Variants in SH3RF3 observed in about 807,000 individuals in gnomAD.
SH3RF3 encodes the protein E3 ubiquitin-protein ligase SH3RF3.
In SH3RF3, 29 loss-of-function variants were observed where a neutral mutation model predicts 66.3. That is an observed-to-expected ratio of 0.44 (90% CI 0.33 to 0.60). The LOEUF is 0.60. Ranked by LOEUF, SH3RF3 falls within the 20% of genes least tolerant of loss-of-function variation. The pLI is 0.04. For synonymous variants in SH3RF3, 583 were observed against 532.0 expected, an observed-to-expected ratio of 1.10 and a Z score of -1.32; for missense variants, 1,194 against 1,190.9, an observed-to-expected ratio of 1.00 and a Z score of -0.04.
chr2:109,359,907 C>A (rs1289073828), intron 2 of SH3RF3, among the ~76,000 whole-genome samples: 1 of 152,152 alleles, frequency 6.6e-6, no homozygotes. Context: ...ATGCCAATGG[C>A]AGGTTCTCCA....
intron 8 of SH3RF3, among the ~76,000 whole-genome samples, chr2:109,450,664 T>G (rs1029502705): frequency 1.3e-5 from 2 of 152,210 alleles, no homozygotes. Context: ...TTTTAGTATT[T>G]TTTTTTTACG....
chr2:109,383,949 C>T (rs1200121929), intron 3 of SH3RF3, among the ~76,000 whole-genome samples: 1 of 152,208 alleles, frequency 6.6e-6, no homozygotes, highest in Non-Finnish European at 1.5e-5. Flanking sequence ...TGATGACAGT[C>T]TAGAGGCTTC....
At position 109,421,400 on chromosome 2, in the gene SH3RF3, G is replaced by T. The variant is rs530468628; in HGVS notation, c.1403+1758G>T. 1.7e-4 allele frequency among the ~76,000 whole-genome samples: 26 copies of T among 152,350 alleles called. No homozygotes were observed. In the South Asian group the frequency reaches 4.6e-3, roughly 27 times the overall value. On this transcript the variant is annotated intron_variant, in intron 5 of 9. Transcript: ENST00000309415. ...CTTCCTGGGTGCAGAGGGCTCCCCA[G>T]CTTGAGGCGAGCTCAAGGCTTAGCC...
In SH3RF3 at chr2:109,169,971, G is replaced by C. The variant is rs920603576; in HGVS notation, c.573+39858G>C. 1.6e-4 allele frequency among the ~76,000 whole-genome samples: 24 copies of C among 152,100 alleles called. 1 individual carries two copies. Among genetic ancestry groups the C allele is most frequent in the Admixed American group, 8.5e-4 (13 of 15,268 alleles). ...TTTAAGAGACTTTAATGTTTTACTTGATAACAAAAGAAACATCACATCCTA... is the reference window on the plus strand; with the variant it reads ...TTTAAGAGACTTTAATGTTTTACTTCATAACAAAAGAAACATCACATCCTA... On this transcript the variant is annotated intron_variant, in intron 1 of 9. Transcript: ENST00000309415.
intron 1 of SH3RF3, among the ~76,000 whole-genome samples, chr2:109,331,322 C>T (rs1682280021): frequency 6.6e-6 from 1 of 152,146 alleles, no homozygotes; most frequent in Non-Finnish European, 1.5e-5. Flanking sequence ...CATTTGCAAT[C>T]AATTAACAGC....
chr2:109,449,399 C>T lies in SH3RF3; in HGVS notation c.2058C>T (p.Asn686=), dbSNP rs187185634. 54 of 1,613,012 alleles carry T rather than the reference C, an allele frequency of 3.3e-5. No homozygotes were observed. The highest frequency in any genetic ancestry group is 3.2e-4 in the South Asian group (29 of 90,852). The change falls in exon 8 of 10, where the codon AAC becomes AAT. Residue 686 remains asparagine, a synonymous_variant. Coordinates refer to ENST00000309415, the MANE Select transcript of SH3RF3 (RefSeq NM_001099289.3). ...CCAACGTCAGTGCCGCAAACCTCAACGGGGAGGCTGGAGGGGGGCCCATCG... is the reference window on the plus strand; with the variant it reads ...CCAACGTCAGTGCCGCAAACCTCAATGGGGAGGCTGGAGGGGGGCCCATCG... ...TPPNVSAANL[N]GEAGGGPIGV...
intron 6 of SH3RF3, among the ~76,000 whole-genome samples, chr2:109,433,196 ATG>A (rs1440409178): frequency 6.6e-6 from 1 of 152,222 alleles, no homozygotes; most frequent in Non-Finnish European, 1.5e-5. Context: ...GTGTGTATGC[ATG>A]TGTGTGCAGT....
At position 109,176,025 on chromosome 2, in the gene SH3RF3, A is replaced by G. The variant is rs79227808; in HGVS notation, c.573+45912A>G. On this transcript the variant is annotated intron_variant, in intron 1 of 9. Transcript: ENST00000309415. ...GTCTAATTGATATTCTGCATGTTAT[A>G]TCCTTGAGACTCTGTCTTCACTGGG... is the stretch of plus-strand genomic sequence containing the variant. Among the ~76,000 whole-genome samples, 1,226 of 152,306 alleles carry G rather than the reference A, an allele frequency of 8.0e-3. 12 individuals are homozygous for G. Among genetic ancestry groups the G allele is most frequent in the East Asian group, 0.04 (209 of 5,176 alleles).
chr2:109,245,185 C>T (rs913118580), intron 1 of SH3RF3, among the ~76,000 whole-genome samples: 52 of 152,258 alleles, frequency 3.4e-4, no homozygotes, highest in Non-Finnish European at 6.9e-4. Flanking sequence ...CATGTGGCTT[C>T]TGTGCTCCTG....
chr2:109,146,922 C>T (rs950554987), intron 1 of SH3RF3, among the ~76,000 whole-genome samples: 1 of 128,278 alleles, frequency 7.8e-6, no homozygotes, highest in Non-Finnish European at 1.6e-5. Context: ...CCTATGAAGG[C>T]CTCAGAGTCC....
chr2:109,437,127 C>T lies in SH3RF3; in HGVS notation c.1809C>T (p.Ala603=). 6.2e-7 allele frequency: 1 copy of T among 1,611,884 alleles called. No individual in the cohort carries two copies. Among genetic ancestry groups the T allele is most frequent in the Non-Finnish European group, 8.5e-7 (1 of 1,178,690 alleles). Reference sequence around the variant, plus strand: ...CAGCCCAGCCAACGGCCAGCCAAGCCCGGAGCACCATTTCAACAGGTACCT... The same window carrying T: ...CAGCCCAGCCAACGGCCAGCCAAGCTCGGAGCACCATTTCAACAGGTACCT... ...RHSAQPTASQ[A]RSTISTAAHS... Residue 603 remains alanine, a synonymous_variant, in exon 7 of 10, where the codon GCC becomes GCT. Transcript: ENST00000309415.
chr2:109,302,476 T>G (rs1260244686), intron 1 of SH3RF3, among the ~76,000 whole-genome samples: 1 of 152,224 alleles, frequency 6.6e-6, no homozygotes, highest in Non-Finnish European at 1.5e-5. Context: ...GTGCCTCCTC[T>G]TAGGGCCCCC....
rs529867866 is a variant in SH3RF3, at chr2:109,268,067, T to C, written c.574-79607T>C. 3.3e-3 allele frequency among the ~76,000 whole-genome samples: 507 copies of C among 151,440 alleles called. 2 individuals are homozygous for C. Among genetic ancestry groups the C allele is most frequent in the African/African-American group, 8.5e-3 (353 of 41,328 alleles). ...TGAGGGGGTCTTCCAGACTGTCCCC[T>C]AATCCCACCTGGAGCCCAGAGAAGG... On this transcript the variant is annotated intron_variant, in intron 1 of 9. Coordinates refer to ENST00000309415, the MANE Select transcript of SH3RF3 (RefSeq NM_001099289.3).
At chr2:109,151,491 G>C (rs1030931832) in intron 1 of SH3RF3, among the ~76,000 whole-genome samples, 2 of 152,316 alleles carry the variant, frequency 1.3e-5, no homozygotes, top group Non-Finnish European at 1.5e-5. Flanking sequence ...TGGTAGCCAC[G>C]TCACAAATGG....
chr2:109,469,771 C>T (rs567125495), intron 8 of SH3RF3, among the ~76,000 whole-genome samples: 185 of 152,208 alleles, frequency 1.2e-3, no homozygotes, highest in Non-Finnish European at 2.2e-3. Context: ...CCCCAGATCT[C>T]ATGAAGAAAA....
chr2:109,170,306 T>C (rs904470775), intron 1 of SH3RF3, among the ~76,000 whole-genome samples: 25 of 122,344 alleles, frequency 2.0e-4, no homozygotes, highest in South Asian at 5.4e-4. Flanking sequence ...TCTCTTCTCT[T>C]CTCTTCTCTC....
intron 1 of SH3RF3, among the ~76,000 whole-genome samples, chr2:109,337,479 G>C (rs1230427837): frequency 6.6e-6 from 1 of 152,228 alleles, no homozygotes; most frequent in Non-Finnish European, 1.5e-5. Flanking sequence ...ATGGTGATAA[G>C]GGACTGTGCA....
intron 1 of SH3RF3, among the ~76,000 whole-genome samples, chr2:109,182,894 C>A (rs1299307030): frequency 6.6e-6 from 1 of 151,978 alleles, no homozygotes; most frequent in East Asian, 1.9e-4. Flanking sequence ...TACTGTTTTT[C>A]ACTCTCATAT....
intron 1 of SH3RF3, among the ~76,000 whole-genome samples, chr2:109,197,610 C>T (rs1433959617): frequency 2.6e-5 from 4 of 152,218 alleles, no homozygotes; most frequent in African/African-American, 9.6e-5. Context: ...GTTTAATGCT[C>T]TGCAGTTGCT....
Sources: gnomAD v4.1 joint callset for allele counts (sites outside exome capture counted in the v4.1 genomes callset) on GRCh38, gnomAD v4.1.1 for gene constraint, MANE v1.5 for transcripts, NCBI Gene and HGNC (gene_info 2026-07-23, HGNC 2026-07-21) for gene names.